Variants in CYP7B1 observed in about 807,000 individuals in gnomAD.
The protein encoded by CYP7B1 is cytochrome P450 family 7 subfamily B member 1.
CYP7B1 carries 29 observed loss-of-function variants against 42.7 expected under a neutral mutation model. That is an observed-to-expected ratio of 0.68 (90% CI 0.51 to 0.93). The LOEUF is 0.93. Ranked by LOEUF, CYP7B1 falls within the 40% of genes least tolerant of loss-of-function variation. The pLI is 0.00. For missense variants in CYP7B1, 655 were observed against 600.5 expected (o/e 1.09, Z -0.95); for synonymous variants, 235 against 218.2 (o/e 1.08, Z -0.68).
intron 1 of CYP7B1, among the ~76,000 whole-genome samples, chr8:64,686,063 C>T (rs1231552884): frequency 1.6e-5 from 2 of 125,480 alleles, no homozygotes; most frequent in Admixed American, 1.5e-4. Flanking sequence ...GGGGGGTCAG[C>T]CCCCCCACCC....
At chr8:64,676,806 C>T (rs559540763) in intron 1 of CYP7B1, among the ~76,000 whole-genome samples, 1 of 152,176 alleles carries the variant, frequency 6.6e-6, no homozygotes, top group South Asian at 2.1e-4. Flanking sequence ...CTGCTTTCTT[C>T]CCCCAAGCTT....
rs1805047368 is a variant in CYP7B1 at position 64,592,210 on chromosome 8, T to C, written c.*4432A>G. On this transcript the variant is annotated 3_prime_UTR_variant, in exon 6 of 6. Transcript: ENST00000310193. The stretch of plus-strand genomic sequence containing the variant: ...CTAAAAAAAAAAAAGGATGGGATTT[T>C]ACAATATATAATACAGTTTTTAAAA... 6.6e-6 allele frequency among the ~76,000 whole-genome samples: 1 copy of C among 151,588 alleles called. No individual in the cohort carries two copies. The highest frequency in any genetic ancestry group is 6.6e-5 in the Admixed American group (1 of 15,178).
At chr8:64,782,558 C>G (rs1189156500) in intron 1 of CYP7B1, among the ~76,000 whole-genome samples, 2 of 152,124 alleles carry the variant, frequency 1.3e-5, no homozygotes, top group Non-Finnish European at 2.9e-5. Flanking sequence ...TTAGAGCACC[C>G]AAACAGACCA....
At chr8:64,762,807 T>C (rs1478673426) in intron 1 of CYP7B1, among the ~76,000 whole-genome samples, 2 of 152,258 alleles carry the variant, frequency 1.3e-5, no homozygotes, top group Non-Finnish European at 2.9e-5. Context: ...CCTTCCAGCA[T>C]ATCTTCTCTA....
chr8:64,595,534 C>A lies in CYP7B1; in HGVS notation c.*1108G>T, dbSNP rs537358511. ...GGGCTTGGTGGTACATGCCTGTAGTCCAGGTTCCCAAGGGACCAAAGCGGG... is the reference window on the plus strand; with the variant it reads ...GGGCTTGGTGGTACATGCCTGTAGTACAGGTTCCCAAGGGACCAAAGCGGG... On this transcript the variant is annotated 3_prime_UTR_variant, in exon 6 of 6. Coordinates refer to ENST00000310193, the MANE Select transcript of CYP7B1 (RefSeq NM_004820.5). Among the ~76,000 whole-genome samples the A allele has an allele frequency of 2.5e-3, 385 of 152,162 alleles. 1 individual carries two copies. Among genetic ancestry groups the A allele is most frequent in the Non-Finnish European group, 4.7e-3 (318 of 67,996 alleles).
intron 1 of CYP7B1, among the ~76,000 whole-genome samples, chr8:64,677,891 G>A (rs999307617): frequency 3.3e-5 from 5 of 151,996 alleles, no homozygotes; most frequent in Non-Finnish European, 7.4e-5. Flanking sequence ...TGAGGAGTCA[G>A]ATTCAGCTCA....
At chr8:64,587,630 T>C (rs1282000207), downstream of CYP7B1, 1 of 152,268 alleles carries the variant, frequency 6.6e-6, no homozygotes, top group Non-Finnish European at 1.5e-5. Context: ...GTTAGATTTG[T>C]GTTAAATTCT....
At chr8:64,741,917 A>G (rs911482054) in intron 1 of CYP7B1, among the ~76,000 whole-genome samples, 1 of 152,208 alleles carries the variant, frequency 6.6e-6, no homozygotes, top group African/African-American at 2.4e-5. Context: ...TAAGATGTCA[A>G]TTCTTTCCAA....
At chr8:64,606,284 A>C (rs1232137260) in intron 4 of CYP7B1, among the ~76,000 whole-genome samples, 9 of 152,194 alleles carry the variant, frequency 5.9e-5, no homozygotes, top group Admixed American at 6.5e-5. Flanking sequence ...GAGGCACCTG[A>C]CACGATGGAT....
chr8:64,596,961 T>C (rs1366215456), intron 5 of CYP7B1, 32 bp from the exon 6 acceptor site: 3 of 1,570,812 alleles, frequency 1.9e-6, no homozygotes, highest in Non-Finnish European at 2.6e-6. Flanking sequence ...AAATTAACAT[T>C]TTATATGAAA....
At chr8:64,749,119 C>T (rs1297240186) in intron 1 of CYP7B1, among the ~76,000 whole-genome samples, 2 of 151,522 alleles carry the variant, frequency 1.3e-5, no homozygotes, top group African/African-American at 4.9e-5. Context: ...CTTGCTCTGT[C>T]TCCCAAGCTG....
intron 1 of CYP7B1, among the ~76,000 whole-genome samples, chr8:64,688,554 A>G (rs987920580): frequency 6.6e-6 from 1 of 152,204 alleles, no homozygotes; most frequent in African/African-American, 2.4e-5. Context: ...CACATCCCCT[A>G]TAAGCTTTCA....
intron 1 of CYP7B1, among the ~76,000 whole-genome samples, chr8:64,701,308 A>C (rs1806913223): frequency 6.6e-6 from 1 of 152,020 alleles, no homozygotes; most frequent in Non-Finnish European, 1.5e-5. Context: ...CTCTCCCAGG[A>C]TAAGATCATG....
chr8:64,689,725 GC>G (rs1806710039), intron 1 of CYP7B1, among the ~76,000 whole-genome samples: 1 of 151,890 alleles, frequency 6.6e-6, no homozygotes, highest in South Asian at 2.1e-4. Flanking sequence ...CGCCACTACT[GC>G]CCGGCAAATT....
rs1048388081 is a variant in CYP7B1 at position 64,601,385 on chromosome 8, T to C, written c.1233+3297A>G. ...TTAAATGTCTGACGTTTTTTCCCTA[T>C]AAACCCCACAATGTCACCAGGTCTC... is the stretch of plus-strand genomic sequence containing the variant. On this transcript the variant is annotated intron_variant, in intron 5 of 5. Transcript: ENST00000310193. 2.0e-5 allele frequency among the ~76,000 whole-genome samples: 3 copies of C among 152,200 alleles called. No individual in the cohort carries two copies. In the South Asian group the frequency reaches 6.2e-4, roughly 32 times the overall value.
rs942492518 is a variant in CYP7B1 at position 64,604,961 on chromosome 8, A to G, written c.1058-104T>C. The G allele has an allele frequency of 2.3e-6, 3 of 1,305,150 alleles. No homozygotes were observed. In the African/African-American group the frequency reaches 4.4e-5, roughly 19 times the overall value. 80.8% of individuals were successfully genotyped at this position (1,305,150 alleles called of 1,614,324 possible). A position where few individuals can be genotyped will look rare whatever the true frequency, so the allele number is the denominator to read the frequency against. ...TTACTAATAGCCTTGATTGAAAAGG[A>G]AACTGTTTCTTCATCACATACATTG... On this transcript the variant is annotated intron_variant, in intron 4 of 5. Transcript: ENST00000310193.
In CYP7B1 at chr8:64,615,161, G is replaced by A. The variant is rs1414189844; in HGVS notation, c.922C>T (p.Leu308Phe). The A allele has an allele frequency of 2.5e-6, 4 of 1,613,542 alleles. No homozygotes were observed. The highest frequency in any genetic ancestry group is 1.1e-5 in the South Asian group (1 of 91,064). ...GCCATAGCTTCTGGGTGCCGCAGAAGATAATACATTGCCCAGAACATAGTT... is the reference window on the plus strand; with the variant it reads ...GCCATAGCTTCTGGGTGCCGCAGAAAATAATACATTGCCCAGAACATAGTT... ...IPTMFWAMYY[L>F]LRHPEAMAAV... The change falls in exon 4 of 6, where the codon CTT becomes TTT. Residue 308 changes from leucine (L) to phenylalanine (F), a missense_variant. Leu to Phe is a conservative substitution (Grantham distance 22). Transcript: ENST00000310193.
chr8:64,771,045 A>ATTTTTTTTTTTTTTTTTTTTTTTTT (rs1308107007), intron 1 of CYP7B1, among the ~76,000 whole-genome samples: 1 of 40,498 alleles, frequency 2.5e-5, no homozygotes, highest in African/African-American at 8.3e-5. Context: ...GGATATCAGC[A>ATTTTTTTTTTTTTTTTTTTTTTTTT]TCTTTTTTTT....
rs1254865279 is a variant in CYP7B1 at position 64,629,175 on chromosome 8, T to C, written c.123-4636A>G. ...CTGTGAAGCAGAGGTTGCAGTGAGC[T>C]GAGACTGTGCCATTGCACTCCAGCT... On this transcript the variant is annotated intron_variant, in intron 1 of 5. Transcript: ENST00000310193. 1.0e-4 allele frequency among the ~76,000 whole-genome samples: 15 copies of C among 144,038 alleles called. No homozygotes were observed. In the Admixed American group the frequency reaches 1.1e-3, roughly 11 times the overall value. The allele number at this position is 144,038 out of a possible 152,430, so 94.5% of individuals were successfully genotyped here.
Sources: allele counts gnomAD v4.1 joint callset (sites outside exome capture counted in the v4.1 genomes callset), GRCh38; gene constraint gnomAD v4.1.1; transcripts MANE v1.5; gene names NCBI Gene and HGNC (gene_info 2026-07-23, HGNC 2026-07-21).